CAMK2B: variants seen among roughly 807,000 people sequenced by gnomAD.
The protein encoded by CAMK2B is calcium/calmodulin dependent protein kinase II beta, also known as calcium/calmodulin-dependent protein kinase type II subunit beta.
CAMK2B carries 27 observed loss-of-function variants against 93.7 expected under a neutral mutation model. The ratio of observed to expected loss-of-function variants is 0.29; its 90% CI spans 0.21 to 0.40. The LOEUF (loss-of-function observed/expected upper bound fraction) is 0.40, where lower values mean the gene tolerates loss of function less well. Ranked by LOEUF, CAMK2B falls within the 10% of genes least tolerant of loss-of-function variation. CAMK2B has a pLI of 1.00. For missense variants in CAMK2B, 568 were observed against 895.8 expected, an observed-to-expected ratio of 0.63 and a Z score of 4.67; for synonymous variants, 374 against 358.8, an observed-to-expected ratio of 1.04 and a Z score of -0.48.
chr7:44,274,774 G>C (rs1334401611), intron 2 of CAMK2B, among the ~76,000 whole-genome samples: 1 of 152,222 alleles, frequency 6.6e-6, no homozygotes, highest in Non-Finnish European at 1.5e-5. Flanking sequence ...GGAGGGGGCT[G>C]TGCCCACACT....
chr7:44,302,427 A>C (rs1790324244), intron 1 of CAMK2B, among the ~76,000 whole-genome samples: 1 of 152,190 alleles, frequency 6.6e-6, no homozygotes, highest in East Asian at 1.9e-4. Context: ...CTAATACTAA[A>C]ACCAGACAAG....
chr7:44,279,577 G>C (rs990927421), intron 2 of CAMK2B, among the ~76,000 whole-genome samples: 1 of 152,204 alleles, frequency 6.6e-6, no homozygotes, highest in Non-Finnish European at 1.5e-5. Context: ...TACCCAGCTT[G>C]CATCGAATGA....
intron 2 of CAMK2B, among the ~76,000 whole-genome samples, chr7:44,279,562 C>T (rs1342905532): frequency 6.6e-6 from 1 of 152,198 alleles, no homozygotes; most frequent in Non-Finnish European, 1.5e-5. Flanking sequence ...TTCCTCCCAC[C>T]ACCCTACCCA....
intron 2 of CAMK2B, among the ~76,000 whole-genome samples, chr7:44,276,950 C>T (rs1409369080): frequency 6.6e-6 from 1 of 152,186 alleles, no homozygotes; most frequent in Non-Finnish European, 1.5e-5. Context: ...GAGACAGCGT[C>T]GATGATGCCA....
At chr7:44,231,883 C>G (rs1228741122) in intron 16 of CAMK2B, among the ~76,000 whole-genome samples, 2 of 152,226 alleles carry the variant, frequency 1.3e-5, no homozygotes, top group Non-Finnish European at 2.9e-5. Flanking sequence ...GGGACCGCCC[C>G]CTGGTCTGGA....
At chr7:44,251,927 A>T (rs2096784418) in intron 5 of CAMK2B, among the ~76,000 whole-genome samples, 1 of 152,150 alleles carries the variant, frequency 6.6e-6, no homozygotes, top group Non-Finnish European at 1.5e-5. Context: ...AGGCTGCTCC[A>T]GACCTCGCCA....
At position 44,225,394 on chromosome 7, in the gene CAMK2B, C is replaced by G. The variant is rs757151237; in HGVS notation, c.1597+1122G>C. ...ACCCACCCCAGCTGCACGGCGGCCC[C>G]TCCCCATGCCTCCCTCCTTGAGTTC... On this transcript the variant is annotated intron_variant, in intron 20 of 23. Transcript: ENST00000395749. This position sits in a 1 kb window ranked among gnomAD's most constrained non-coding sequence, Gnocchi z 5.0. Among the ~76,000 whole-genome samples, 3 of 152,132 alleles carry G rather than the reference C, an allele frequency of 2.0e-5. No individual in the cohort carries two copies. Among genetic ancestry groups the G allele is most frequent in the Non-Finnish European group, 4.4e-5 (3 of 68,004 alleles).
intron 13 of CAMK2B, among the ~76,000 whole-genome samples, chr7:44,237,006 CA>C (rs2096632015): frequency 1.3e-5 from 2 of 152,260 alleles, no homozygotes; most frequent in African/African-American, 4.8e-5. Context: ...CCAACTGAAG[CA>C]GGCGGTTTCA....
At chr7:44,288,880 C>T (rs900935307) in intron 1 of CAMK2B, among the ~76,000 whole-genome samples, 1 of 152,064 alleles carries the variant, frequency 6.6e-6, no homozygotes, top group Non-Finnish European at 1.5e-5. Flanking sequence ...AGGCCACCTG[C>T]GAGGAGAGGT....
intron 1 of CAMK2B, among the ~76,000 whole-genome samples, chr7:44,318,468 C>T (rs1203745575): frequency 1.3e-5 from 2 of 152,228 alleles, no homozygotes; most frequent in African/African-American, 4.8e-5. Context: ...CTGTGGAGCA[C>T]CTACTGTGTG....
At chr7:44,322,178 G>A (rs887314281) in intron 1 of CAMK2B, among the ~76,000 whole-genome samples, 6 of 152,202 alleles carry the variant, frequency 3.9e-5, no homozygotes, top group African/African-American at 1.4e-4. Flanking sequence ...ACATCGACGA[G>A]CACAGGTGTC....
intron 20 of CAMK2B, 107 bp from the exon 21 acceptor site, chr7:44,221,008 C>G (rs1231760507): frequency 6.9e-6 from 6 of 869,322 alleles, no homozygotes; most frequent in African/African-American, 5.0e-5. Context: ...GCATCCATGC[C>G]GTGTTCCTGC....
chr7:44,234,353 G>C, intron 15 of CAMK2B, 37 bp downstream of exon 15: 2 of 1,474,792 alleles, frequency 1.4e-6, no homozygotes, highest in Non-Finnish European at 1.8e-6. Context: ...CAGGGGCGTA[G>C]GAGGGGCTGA....
At chr7:44,247,500 C>A (rs1196610857) in intron 5 of CAMK2B, among the ~76,000 whole-genome samples, 1 of 152,170 alleles carries the variant, frequency 6.6e-6, no homozygotes, top group African/African-American at 2.4e-5. Flanking sequence ...CAAGCTTGAC[C>A]CTAAGCTGGG....
intron 1 of CAMK2B, among the ~76,000 whole-genome samples, chr7:44,291,358 A>G (rs561279265): frequency 6.6e-6 from 1 of 152,112 alleles, no homozygotes; most frequent in African/African-American, 2.4e-5. Flanking sequence ...TGGCCATCCT[A>G]CCGCCCCACT....
chr7:44,283,812 G>C (rs1784357187), intron 2 of CAMK2B, among the ~76,000 whole-genome samples: 1 of 152,228 alleles, frequency 6.6e-6, no homozygotes, highest in African/African-American at 2.4e-5. Flanking sequence ...ACACGGGATG[G>C]GGAGGTGAAA....
chr7:44,307,896 C>A (rs1451495308), intron 1 of CAMK2B, among the ~76,000 whole-genome samples: 1 of 152,102 alleles, frequency 6.6e-6, no homozygotes, highest in Non-Finnish European at 1.5e-5. Context: ...TGGGGGGCCT[C>A]ATTCTGTCAC....
At chr7:44,306,448 G>A (rs990601197) in intron 1 of CAMK2B, among the ~76,000 whole-genome samples, 39 of 152,238 alleles carry the variant, frequency 2.6e-4, no homozygotes, top group African/African-American at 8.7e-4. Context: ...CATGACCCCA[G>A]TGGGGAGGTC....
chr7:44,285,903 G>T (rs1030988572), intron 1 of CAMK2B, among the ~76,000 whole-genome samples: 16 of 150,780 alleles, frequency 1.1e-4, no homozygotes, highest in African/African-American at 3.4e-4. Flanking sequence ...ACGGTGAGGT[G>T]TTCACTGTTC....
Sources: gnomAD v4.1 joint callset for allele counts (sites outside exome capture counted in the v4.1 genomes callset) on GRCh38, gnomAD v4.1.1 for gene constraint, Gnocchi (gnomAD v3.1) non-coding constraint, MANE v1.5 for transcripts, NCBI Gene and HGNC (gene_info 2026-07-23, HGNC 2026-07-21) for gene names.